Variants in PPP1R8 observed in about 807,000 individuals in gnomAD.
PPP1R8 encodes the protein protein phosphatase 1 regulatory subunit 8, also known as nuclear inhibitor of protein phosphatase 1.
Under a neutral mutation model 31.3 loss-of-function variants are expected in PPP1R8, and 4 were observed. The observed-to-expected ratio is 0.13, with a 90% CI of 0.06 to 0.29. The LOEUF (loss-of-function observed/expected upper bound fraction) is 0.29. PPP1R8 is among the 10% of genes least tolerant of loss of function. The probability of loss-of-function intolerance (pLI) is 1.00; values close to 1 mark genes in which losing one functional copy is unlikely to be tolerated. For missense variants in PPP1R8, 254 were observed against 440.1 expected (o/e 0.58, Z 3.78); for synonymous variants, 170 against 169.7 (o/e 1.00, Z -0.01).
intron 1 of PPP1R8, chr1:27,831,153 C>T (rs2148612890): frequency 8.0e-7 from 1 of 1,248,294 alleles, no homozygotes; most frequent in Non-Finnish European, 1.0e-6. Flanking sequence ...ATTAGCCAGT[C>T]GCCGGAGCGC....
intron 5 of PPP1R8, 75 bp downstream of exon 5, chr1:27,843,405 C>G: frequency 1.3e-6 from 2 of 1,588,068 alleles, no homozygotes; most frequent in Non-Finnish European, 1.7e-6. Flanking sequence ...GCCTGTAGTC[C>G]TAGCACTTTG....
intron 2 of PPP1R8, among the ~76,000 whole-genome samples, chr1:27,834,163 C>G (rs1409103142): frequency 6.6e-6 from 1 of 152,158 alleles, no homozygotes; most frequent in Non-Finnish European, 1.5e-5. Flanking sequence ...ACAGGGTTGC[C>G]TAGTCTTAAT....
chr1:27,833,834 G>T (rs2089135642), intron 2 of PPP1R8, among the ~76,000 whole-genome samples: 1 of 152,168 alleles, frequency 6.6e-6, no homozygotes, highest in South Asian at 2.1e-4. Context: ...CTTTTGAGAT[G>T]TTGTAGAGAT....
At chr1:27,849,207 A>C (rs2089315022) in intron 6 of PPP1R8, among the ~76,000 whole-genome samples, 1 of 152,172 alleles carries the variant, frequency 6.6e-6, no homozygotes, top group South Asian at 2.1e-4. Flanking sequence ...CCCTGTCTCT[A>C]CTAAAAATAC....
rs1181270439 is a variant in PPP1R8 at position 27,842,347 on chromosome 1, A to G, written c.493-839A>G. Among the ~76,000 whole-genome samples, 3 of 151,702 alleles carry G rather than the reference A, an allele frequency of 2.0e-5. No homozygotes were observed. The East Asian group carries it at 5.8e-4, about 29-fold the overall frequency. On this transcript the variant is annotated intron_variant, in intron 4 of 6. Coordinates refer to ENST00000311772, the MANE Select transcript of PPP1R8 (RefSeq NM_014110.5). ...ACAAGAGCGAAACTCCGTCTCAAAA[A>G]AAAAAAAAAAAAAGAGAAATTTTAC... is the stretch of plus-strand genomic sequence containing the variant.
chr1:27,843,374 G>A (rs776022296), intron 5 of PPP1R8, 44 bp downstream of exon 5: 6 of 1,613,158 alleles, frequency 3.7e-6, no homozygotes, highest in Non-Finnish European at 4.2e-6. Flanking sequence ...AGCTGTGGTT[G>A]GCCCGGGCGC....
Position 27,841,182 on chromosome 1 carries a change from A to T in PPP1R8, c.440A>T (p.Asp147Val). 1 of 1,614,206 alleles carries T rather than the reference A, an allele frequency of 6.2e-7. No homozygotes were observed. The change falls in exon 4 of 7, where the codon GAT (aspartate) becomes GTT (valine). Residue 147 changes from aspartate (D) to valine (V), a missense_variant. Coordinates refer to ENST00000311772, the MANE Select transcript of PPP1R8 (RefSeq NM_014110.5). ...GGAGATGAGAAGATGGGTGGAGAGG[A>T]TGATGAACTCAAGGGCTTACTGGGG... ...VKGDEKMGGE[D>V]DELKGLLGLP...
At chr1:27,833,379 T>G (rs2089130991) in intron 2 of PPP1R8, among the ~76,000 whole-genome samples, 1 of 152,198 alleles carries the variant, frequency 6.6e-6, no homozygotes, top group Admixed American at 6.5e-5. Flanking sequence ...ACCAACATAA[T>G]TTCTGTCCTC....
Position 27,841,110 on chromosome 1 carries a change from C to T in PPP1R8, c.368C>T (p.Ala123Val). Residue 123 changes from alanine (A) to valine (V), a missense_variant, in exon 4 of 7, where the codon GCA (alanine) becomes GTA (valine). Around this residue, in one of 6 missense-constraint regions of PPP1R8, gnomAD observed 52 missense variants for 145.3 expected, o/e 0.36. Coordinates refer to ENST00000311772, the MANE Select transcript of PPP1R8 (RefSeq NM_014110.5). ...GTCTCATTTGGCGCATCCACAAGGG[C>T]ATACACTCTGCGCGAGAAGCCTCAG... The part of the protein sequence containing the change: ...STVSFGASTR[A>V]YTLREKPQTL... 6.2e-7 allele frequency: 1 copy of T among 1,614,192 alleles called. No homozygotes were observed. Among genetic ancestry groups the T allele is most frequent in the South Asian group, 1.1e-5 (1 of 91,086 alleles).
At chr1:27,832,852 C>A in intron 2 of PPP1R8, 36 bp downstream of exon 2, 1 of 1,550,520 alleles carries the variant, frequency 6.4e-7, no homozygotes, top group Non-Finnish European at 8.8e-7. Flanking sequence ...TTGGCTGCCA[C>A]ACTAAAGATT....
intron 3 of PPP1R8, among the ~76,000 whole-genome samples, chr1:27,840,303 A>G (rs938730020): frequency 2.6e-5 from 4 of 152,214 alleles, no homozygotes; most frequent in Non-Finnish European, 4.4e-5. Flanking sequence ...CATACGCAGA[A>G]ACATACACTC....
At chr1:27,841,527 A>G (rs967374412) in intron 4 of PPP1R8, among the ~76,000 whole-genome samples, 1 of 152,238 alleles carries the variant, frequency 6.6e-6, no homozygotes, top group African/African-American at 2.4e-5. Flanking sequence ...ACTGGAAGCT[A>G]CATTTCTCTG....
At chr1:27,843,586 G>A (rs1229640623) in intron 5 of PPP1R8, among the ~76,000 whole-genome samples, 1 of 151,902 alleles carries the variant, frequency 6.6e-6, no homozygotes, top group Non-Finnish European at 1.5e-5. Flanking sequence ...CTTGAACCCA[G>A]GAGGCAGAAG....
chr1:27,833,063 C>G (rs1232200186), intron 2 of PPP1R8, among the ~76,000 whole-genome samples: 1 of 152,118 alleles, frequency 6.6e-6, no homozygotes, highest in Non-Finnish European at 1.5e-5. Context: ...CCTGTGGGCC[C>G]CAGTCAAACT....
intron 5 of PPP1R8, among the ~76,000 whole-genome samples, 192 bp from the exon 6 acceptor site, chr1:27,846,836 T>C (rs1025851053): frequency 6.6e-6 from 1 of 152,220 alleles, no homozygotes; most frequent in African/African-American, 2.4e-5. Flanking sequence ...ATCTACTAAA[T>C]GTTGATTGTG....
chr1:27,839,584 G>A (rs1389026688), intron 3 of PPP1R8, among the ~76,000 whole-genome samples: 1 of 152,170 alleles, frequency 6.6e-6, no homozygotes, highest in East Asian at 1.9e-4. Flanking sequence ...GTGTGTTCAA[G>A]TGTTTATAGG....
chr1:27,839,293 C>T (rs906224714), intron 3 of PPP1R8, among the ~76,000 whole-genome samples: 13 of 152,098 alleles, frequency 8.5e-5, no homozygotes, highest in Admixed American at 2.0e-4. Flanking sequence ...TTTGGGAGGC[C>T]GAGGTGGGCG....
intron 4 of PPP1R8, among the ~76,000 whole-genome samples, chr1:27,842,353 A>G (rs2089231485): frequency 6.6e-6 from 1 of 151,984 alleles, no homozygotes; most frequent in Non-Finnish European, 1.5e-5. Context: ...AAAAAAAAAA[A>G]AAAAAAAGAG....
chr1:27,838,457 C>A (rs1283495003), intron 2 of PPP1R8, among the ~76,000 whole-genome samples: 1 of 152,140 alleles, frequency 6.6e-6, no homozygotes, highest in African/African-American at 2.4e-5. Flanking sequence ...GAATTACCAT[C>A]CATTCTCCAA....
Sources: gnomAD v4.1 joint callset for allele counts (sites outside exome capture counted in the v4.1 genomes callset) on GRCh38, gnomAD v4.1.1 for gene constraint, gnomAD v4.1.1 regional missense constraint, MANE v1.5 for transcripts, NCBI Gene and HGNC (gene_info 2026-07-23, HGNC 2026-07-21) for gene names.